The following WDR44 variants were observed in gnomAD, a reference collection of about 807,000 sequenced individuals.
The protein encoded by WDR44 is WD repeat domain 44, also known as WD repeat-containing protein 44.
In WDR44, 9 loss-of-function variants were observed where a neutral mutation model predicts 65.7. The ratio of observed to expected loss-of-function variants is 0.14; its 90% CI spans 0.08 to 0.24. The LOEUF (loss-of-function observed/expected upper bound fraction) is 0.24, where lower values mean the gene tolerates loss of function less well. WDR44 is among the 10% of genes least tolerant of loss of function. The pLI is 1.00. For synonymous variants in WDR44, 220 were observed against 235.2 expected, an observed-to-expected ratio of 0.94 and a Z score of 0.59; for missense variants, 425 against 670.9, an observed-to-expected ratio of 0.63 and a Z score of 4.05.
chrX:118,423,190 T>C (rs907419755), intron 12 of WDR44, among the ~76,000 whole-genome samples: 1 of 110,588 alleles, frequency 9.0e-6, no homozygotes, highest in Non-Finnish European at 1.9e-5. Flanking sequence ...TTTTTTGAGA[T>C]AGAGTTTCAC....
At chrX:118,361,760 A>T (rs768607854) in intron 1 of WDR44, among the ~76,000 whole-genome samples, 4 of 111,700 alleles carry the variant, frequency 3.6e-5, no homozygotes, top group African/African-American at 1.3e-4. Flanking sequence ...TCTCAAAAAA[A>T]AATAATAACT....
chrX:118,381,864 C>A (rs967462436), intron 2 of WDR44, among the ~76,000 whole-genome samples: 1 of 107,832 alleles, frequency 9.3e-6, no homozygotes, highest in African/African-American at 3.4e-5. Context: ...CCACTGGGCC[C>A]GACCAGTATA....
In WDR44 at chrX:118,395,332, G is replaced by A. The variant is rs2056856620; in HGVS notation, c.1041G>A (p.Glu347=). The A allele has an allele frequency of 8.3e-7, 1 of 1,201,418 alleles. No individual in the cohort carries two copies. Residue 347 remains glutamate, a synonymous_variant, in exon 6 of 20, where the codon GAG becomes GAA. Coordinates refer to ENST00000254029, the MANE Select transcript of WDR44 (RefSeq NM_019045.5). ...GACCTAGATCCAACTCTGGGAGAGA[G>A]CTTACTGATGAGGTAGAAATAGATT... is the stretch of plus-strand genomic sequence containing the variant. ...PQRPRSNSGR[E]LTDEEILASV...
intron 9 of WDR44, among the ~76,000 whole-genome samples, chrX:118,405,456 C>T (rs1224478738): frequency 9.0e-6 from 1 of 110,824 alleles, no homozygotes; most frequent in Non-Finnish European, 1.9e-5. Flanking sequence ...TCTCCTGCCT[C>T]AGCCTCCCAA....
intron 3 of WDR44, among the ~76,000 whole-genome samples, chrX:118,389,047 TA>T (rs1228760298): frequency 2.7e-5 from 3 of 112,117 alleles, no homozygotes; most frequent in African/African-American, 9.7e-5. Context: ...TATCTATAGT[TA>T]GTGGGGAAAA....
At chrX:118,434,576 C>T (rs1219358407) in intron 13 of WDR44, among the ~76,000 whole-genome samples, 2 of 111,227 alleles carry the variant, frequency 1.8e-5, no homozygotes, top group Non-Finnish European at 3.8e-5. Flanking sequence ...AAAAACAATC[C>T]TTCACCAGAA....
intron 2 of WDR44, among the ~76,000 whole-genome samples, chrX:118,379,271 T>C (rs1407156633): frequency 9.0e-6 from 1 of 111,342 alleles, no homozygotes; most frequent in East Asian, 2.8e-4. Context: ...ATATTGTATA[T>C]GTATATTTAT....
At chrX:118,419,742 A>G (rs971198517) in intron 12 of WDR44, among the ~76,000 whole-genome samples, 6 of 111,979 alleles carry the variant, frequency 5.4e-5, no homozygotes, top group African/African-American at 1.3e-4. Flanking sequence ...TGTTTCTTAT[A>G]GATAGCATAT....
chrX:118,427,364 G>A (rs1157357320), intron 12 of WDR44, among the ~76,000 whole-genome samples: 1 of 106,602 alleles, frequency 9.4e-6, no homozygotes, highest in Non-Finnish European at 1.9e-5. Context: ...TCCGCCTCCC[G>A]GGTTCACGCC....
At chrX:118,401,961 G>A (rs968333896) in intron 8 of WDR44, among the ~76,000 whole-genome samples, 2 of 110,257 alleles carry the variant, frequency 1.8e-5, no homozygotes, top group African/African-American at 3.3e-5. Flanking sequence ...TCGTAAAAGC[G>A]GGGCTACTCT....
chrX:118,370,428 A>G (rs2056604256), intron 1 of WDR44, among the ~76,000 whole-genome samples: 1 of 109,783 alleles, frequency 9.1e-6, no homozygotes, highest in Non-Finnish European at 1.9e-5. Context: ...TGGTTGTTTA[A>G]AAGTGGGTGG....
At chrX:118,442,765 T>C in intron 17 of WDR44, 85 bp downstream of exon 17, 2 of 743,033 alleles carry the variant, frequency 2.7e-6, no homozygotes, top group Non-Finnish European at 4.1e-6. Flanking sequence ...GCCTTATGTT[T>C]AATGGGGTTC....
rs139405235 is a variant in WDR44, at chrX:118,394,078, G to A, written c.850G>A (p.Asp284Asn). The A allele has an allele frequency of 1.7e-6, 2 of 1,208,768 alleles. No individual in the cohort carries two copies. Among genetic ancestry groups the A allele is most frequent in the African/African-American group, 3.5e-5 (2 of 57,280 alleles). ...IDVPKENITS[D>N]SLLTASMASE... ...AGTTCCCAAAGAGAATATTACGTCT[G>A]ATTCTCTCCTAACCGCAAGCATGGC... The change falls in exon 5 of 20, where the codon GAT becomes AAT. Residue 284 changes from aspartate to asparagine, a missense_variant. Coordinates refer to ENST00000254029, the MANE Select transcript of WDR44 (RefSeq NM_019045.5).
chrX:118,422,072 T>C (rs1006452580), intron 12 of WDR44, among the ~76,000 whole-genome samples: 1 of 111,331 alleles, frequency 9.0e-6, no homozygotes, highest in Non-Finnish European at 1.9e-5. Flanking sequence ...TTAGCATAGG[T>C]GTTGTAGCAT....
At chrX:118,369,711 G>A (rs866944327) in intron 1 of WDR44, among the ~76,000 whole-genome samples, 10 of 110,495 alleles carry the variant, frequency 9.1e-5, no homozygotes, top group South Asian at 7.6e-4. Flanking sequence ...CTTGTGATCT[G>A]CCCGCCTCGG....
chrX:118,445,093 A>G (rs1400372730), intron 19 of WDR44: 1 of 289,377 alleles, frequency 3.5e-6, no homozygotes, highest in South Asian at 3.2e-5. Context: ...CAGGAGATCG[A>G]GACCATCCTG....
At chrX:118,419,528 G>A (rs189889906) in intron 12 of WDR44, among the ~76,000 whole-genome samples, 6 of 111,959 alleles carry the variant, frequency 5.4e-5, no homozygotes, top group Non-Finnish European at 1.1e-4. Context: ...ACAGTATTCG[G>A]GGTGTCTCCT....
intron 1 of WDR44, among the ~76,000 whole-genome samples, chrX:118,359,168 G>A (rs772598868): frequency 8.9e-6 from 1 of 112,538 alleles, no homozygotes; most frequent in Non-Finnish European, 1.9e-5. Context: ...AAAAGTAACA[G>A]TGATCTAGCA....
rs140765330 is a variant in WDR44 at position 118,403,410 on chromosome X, T to C, written c.1275-928T>C. ...ACATGCAAAGCCCCTGAGGTTACTA[T>C]AAGAGCTTGGCACATTTAAAAAGCT... On this transcript the variant is annotated intron_variant, in intron 8 of 19. Transcript: ENST00000254029. Among the ~76,000 whole-genome samples, 1,021 of 111,779 alleles carry C rather than the reference T, an allele frequency of 9.1e-3. 6 individuals are homozygous for C. Among genetic ancestry groups the C allele is most frequent in the African/African-American group, 0.03 (910 of 30,794 alleles).
Sources: gnomAD v4.1 joint callset for allele counts (sites outside exome capture counted in the v4.1 genomes callset) on GRCh38, gnomAD v4.1.1 for gene constraint, MANE v1.5 for transcripts, NCBI Gene and HGNC (gene_info 2026-07-23, HGNC 2026-07-21) for gene names.